The following TNIK variants were observed in gnomAD, a reference collection of about 807,000 sequenced individuals.
TNIK encodes the protein TRAF2 and NCK-interacting protein kinase.
TNIK carries 49 observed loss-of-function variants against 191.3 expected under a neutral mutation model. That is an observed-to-expected ratio of 0.26 (90% CI 0.20 to 0.32). TNIK has a LOEUF of 0.32. TNIK is among the 10% of genes least tolerant of loss of function. TNIK has a pLI of 1.00. For missense variants in TNIK, 1,155 were observed against 1,702.3 expected (o/e 0.68, Z 5.66); for synonymous variants, 594 against 600.9 (o/e 0.99, Z 0.17).
At chr3:171,425,731 G>A (rs969937851) in intron 1 of TNIK, among the ~76,000 whole-genome samples, 2 of 151,776 alleles carry the variant, frequency 1.3e-5, no homozygotes, top group African/African-American at 2.4e-5. Flanking sequence ...GGGAGACTGA[G>A]GCAGGAGAAT....
intron 18 of TNIK, among the ~76,000 whole-genome samples, chr3:171,117,285 A>G (rs1342144578): frequency 3.3e-5 from 5 of 152,232 alleles, no homozygotes; most frequent in Admixed American, 3.3e-4. Flanking sequence ...ATGAGGCAGC[A>G]AAGCAAGCTG....
At chr3:171,411,937 C>T (rs1277659226) in intron 1 of TNIK, among the ~76,000 whole-genome samples, 1 of 152,166 alleles carries the variant, frequency 6.6e-6, no homozygotes, top group African/African-American at 2.4e-5. Flanking sequence ...CCTGTAGGAA[C>T]TGGTTCTGTC....
At chr3:171,360,200 C>T (rs574911088) in intron 2 of TNIK, among the ~76,000 whole-genome samples, 66 of 152,268 alleles carry the variant, frequency 4.3e-4, no homozygotes, top group Admixed American at 2.2e-3. Context: ...TGAGAACCTG[C>T]TAAAACCTTG....
At chr3:171,343,680 T>G (rs143726625) in intron 2 of TNIK, among the ~76,000 whole-genome samples, 257 of 152,306 alleles carry the variant, frequency 1.7e-3, no homozygotes, top group Non-Finnish European at 2.9e-3. Flanking sequence ...CAGAGATTAT[T>G]TATACCACAT....
At chr3:171,381,162 C>T (rs185988944) in intron 1 of TNIK, among the ~76,000 whole-genome samples, 20 of 151,964 alleles carry the variant, frequency 1.3e-4, no homozygotes, top group South Asian at 2.1e-4. Flanking sequence ...CATTTTGGAA[C>T]GGGGGATTTA....
intron 1 of TNIK, among the ~76,000 whole-genome samples, chr3:171,458,986 C>T (rs1157972080): frequency 6.6e-6 from 1 of 152,124 alleles, no homozygotes; most frequent in Non-Finnish European, 1.5e-5. Flanking sequence ...GCCCCCTTCC[C>T]CAAAGGAGTG....
chr3:171,265,839 A>AATCACTAGTGATTT (rs1748324994), intron 2 of TNIK, among the ~76,000 whole-genome samples: 1 of 149,894 alleles, frequency 6.7e-6, no homozygotes, highest in African/African-American at 2.4e-5. Context: ...TGATTGCTTT[A>AATCACTAGTGATTT]AATAAGCATT....
chr3:171,211,321 T>C (rs1577132795), intron 3 of TNIK, 80 bp from the exon 4 acceptor site: 2 of 1,414,464 alleles, frequency 1.4e-6, no homozygotes, highest in Non-Finnish European at 9.5e-7. Context: ...ACCATCTAAA[T>C]TTTTTCTTGT....
chr3:171,301,004 C>T (rs545596310), intron 2 of TNIK, among the ~76,000 whole-genome samples: 8 of 152,142 alleles, frequency 5.3e-5, no homozygotes, highest in Admixed American at 1.3e-4. Flanking sequence ...AGGTTTGGAT[C>T]GGGAGAGTCA....
intron 2 of TNIK, among the ~76,000 whole-genome samples, chr3:171,249,232 C>T (rs899664434): frequency 6.6e-6 from 1 of 152,178 alleles, no homozygotes; most frequent in Non-Finnish European, 1.5e-5. Context: ...GCTATTATTT[C>T]ATAATTCTGG....
chr3:171,336,585 T>C (rs560615334), intron 2 of TNIK, among the ~76,000 whole-genome samples: 7 of 152,332 alleles, frequency 4.6e-5, no homozygotes, highest in Non-Finnish European at 7.3e-5. Flanking sequence ...CGGAGGGACC[T>C]GATGACATAC....
intron 13 of TNIK, 81 bp from the exon 14 acceptor site, chr3:171,139,637 C>A (rs1318920482): frequency 1.4e-6 from 2 of 1,380,406 alleles, no homozygotes; most frequent in South Asian, 1.2e-5. Context: ...GCGACAAGAG[C>A]CGCTAAGTAA....
At position 171,364,451 on chromosome 3, in the gene TNIK, A is replaced by T. The variant is rs1189384981; in HGVS notation, c.123+5169T>A. Among the ~76,000 whole-genome samples the T allele has an allele frequency of 3.9e-5, 6 of 152,308 alleles. No homozygotes were observed. In the East Asian group the frequency reaches 1.2e-3, roughly 29 times the overall value. Reference sequence around the variant, plus strand: ...AGTACAAAGATTAACATTTTATGAAAATGCTAAAAAAAATTTAAAACTGGG... The same window carrying T: ...AGTACAAAGATTAACATTTTATGAATATGCTAAAAAAAATTTAAAACTGGG... On this transcript the variant is annotated intron_variant, in intron 2 of 32. Coordinates refer to ENST00000436636, the MANE Select transcript of TNIK (RefSeq NM_015028.4).
At chr3:171,108,394 C>G (rs1414985145) in intron 19 of TNIK, among the ~76,000 whole-genome samples, 1 of 152,124 alleles carries the variant, frequency 6.6e-6, no homozygotes, top group Non-Finnish European at 1.5e-5. Flanking sequence ...AGAAATGTAG[C>G]AAGTACTATC....
intron 1 of TNIK, among the ~76,000 whole-genome samples, chr3:171,406,769 C>T (rs948260017): frequency 6.6e-6 from 1 of 152,164 alleles, no homozygotes; most frequent in Non-Finnish European, 1.5e-5. Flanking sequence ...TAGTAAAGAG[C>T]CCAAGAATTA....
At chr3:171,244,084 A>G in intron 2 of TNIK, among the ~76,000 whole-genome samples, 1 of 136,904 alleles carries the variant, frequency 7.3e-6, no homozygotes, top group Non-Finnish European at 1.6e-5. Flanking sequence ...TTTTTAAGAC[A>G]GAGTCTCGCT....
intron 23 of TNIK, among the ~76,000 whole-genome samples, chr3:171,090,294 A>G (rs1176726034): frequency 6.6e-6 from 1 of 152,160 alleles, no homozygotes; most frequent in Admixed American, 6.5e-5. Flanking sequence ...CAGTCCTTCA[A>G]AGAGGCTCAG....
intron 3 of TNIK, among the ~76,000 whole-genome samples, chr3:171,219,607 A>G (rs935149049): frequency 5.9e-5 from 9 of 152,134 alleles, no homozygotes; most frequent in African/African-American, 1.7e-4. Flanking sequence ...TTCTCAAAAG[A>G]AGACATTTAT....
chr3:171,405,071 A>G (rs555710135), intron 1 of TNIK, among the ~76,000 whole-genome samples: 1 of 152,310 alleles, frequency 6.6e-6, no homozygotes, highest in South Asian at 2.1e-4. Flanking sequence ...TAGTTCTTCT[A>G]GGTAGATACA....
Sources: gnomAD v4.1 joint callset for allele counts (sites outside exome capture counted in the v4.1 genomes callset) on GRCh38, gnomAD v4.1.1 for gene constraint, MANE v1.5 for transcripts, NCBI Gene and HGNC (gene_info 2026-07-23, HGNC 2026-07-21) for gene names.